QTGAL: variants seen among roughly 807,000 people sequenced by gnomAD.
QTGAL encodes queuosine-tRNA galactosyltransferase.
the QTGAL span, among the ~76,000 whole-genome samples, chr17:83,045,324 T>G: frequency 6.6e-6 from 1 of 152,106 alleles, no homozygotes; most frequent in Non-Finnish European, 1.5e-5. Flanking sequence ...ACCAAGACAA[T>G]TCAGTGGAGA....
the QTGAL span, among the ~76,000 whole-genome samples, chr17:82,964,199 G>A: frequency 3.6e-4 from 48 of 134,286 alleles, no homozygotes; most frequent in African/African-American, 1.2e-3. Context: ...GGAGGCAGAG[G>A]TTGTAGTGAG....
the QTGAL span, among the ~76,000 whole-genome samples, chr17:82,997,962 G>GATCT: frequency 2.8e-5 from 4 of 142,396 alleles, no homozygotes; most frequent in African/African-American, 8.1e-5. Flanking sequence ...TATCTATCTA[G>GATCT]ATCTATCTAT....
the QTGAL span, among the ~76,000 whole-genome samples, chr17:83,046,296 ATT>A: frequency 0.031 from 4,624 of 149,230 alleles, 244 homozygotes; most frequent in African/African-American, 0.11. Context: ...CACCTGGCTA[ATT>A]TTTTTTTGTG....
the QTGAL span, among the ~76,000 whole-genome samples, chr17:83,009,668 A>C: frequency 1.3e-5 from 2 of 152,066 alleles, no homozygotes; most frequent in East Asian, 3.9e-4. Flanking sequence ...CAGGAGGGTC[A>C]AGCGTGTCTG....
chr17:83,028,699 G>A, the QTGAL span, among the ~76,000 whole-genome samples: 1 of 152,078 alleles, frequency 6.6e-6, no homozygotes, highest in Non-Finnish European at 1.5e-5. Context: ...CAGTACGAAC[G>A]CCGGAAAACT....
chr17:82,989,933 T>C, the QTGAL span, among the ~76,000 whole-genome samples: 1 of 152,266 alleles, frequency 6.6e-6, no homozygotes, highest in East Asian at 1.9e-4. Flanking sequence ...AAGAGCTGGC[T>C]GACTTTCACA....
At chr17:83,010,643 C>T in the QTGAL span, among the ~76,000 whole-genome samples, 11 of 152,350 alleles carry the variant, frequency 7.2e-5, 1 homozygote, top group South Asian at 6.2e-4. Flanking sequence ...GAGTGCACCG[C>T]GGACTTCATT....
the QTGAL span, chr17:83,048,846 C>T: frequency 7.2e-7 from 1 of 1,396,480 alleles, no homozygotes. Flanking sequence ...TTCCATGGCT[C>T]TAATTTACCT....
At chr17:83,025,821 C>T in the QTGAL span, among the ~76,000 whole-genome samples, 2 of 152,360 alleles carry the variant, frequency 1.3e-5, no homozygotes, top group East Asian at 3.9e-4. Context: ...TGGCCCGGCA[C>T]CGGGTGCCAG....
the QTGAL span, among the ~76,000 whole-genome samples, chr17:82,963,153 G>T: frequency 0.82 from 125,004 of 152,050 alleles, 51,547 homozygotes; most frequent in East Asian, 0.9. Flanking sequence ...GGGCAGCCTT[G>T]GGGGATGGAG....
the QTGAL span, chr17:83,006,733 A>G: frequency 4.5e-5 from 44 of 985,370 alleles, no homozygotes; most frequent in Non-Finnish European, 5.1e-5. This position sits in a 1 kb window ranked among gnomAD's most constrained non-coding sequence, Gnocchi z 5.8. Flanking sequence ...CTCGGCTCCC[A>G]GGACAGGCTT....
At chr17:82,959,361 A>G in the QTGAL span, among the ~76,000 whole-genome samples, 10 of 151,550 alleles carry the variant, frequency 6.6e-5, no homozygotes, top group Non-Finnish European at 1.3e-4. Context: ...GTGTGTGTGC[A>G]CGTGAGTGCG....
the QTGAL span, among the ~76,000 whole-genome samples, chr17:83,048,067 C>T: frequency 6.6e-6 from 1 of 151,944 alleles, no homozygotes; most frequent in Non-Finnish European, 1.5e-5. Flanking sequence ...TGCTCTGTCA[C>T]CCCAGCTGGA....
chr17:82,952,130 C>T, the QTGAL span, among the ~76,000 whole-genome samples: 1 of 152,218 alleles, frequency 6.6e-6, no homozygotes, highest in Non-Finnish European at 1.5e-5. Flanking sequence ...CCAAGAGGCT[C>T]TGCTCACGTT....
At chr17:83,007,375 C>T in the QTGAL span, 4 of 646,840 alleles carry the variant, frequency 6.2e-6, no homozygotes, top group Non-Finnish European at 7.7e-6. Context: ...CATCTACCTA[C>T]GTACAATTGC....
the QTGAL span, among the ~76,000 whole-genome samples, chr17:83,009,231 G>C: frequency 6.6e-6 from 1 of 152,252 alleles, no homozygotes; most frequent in African/African-American, 2.4e-5. Context: ...AGACCAGCCT[G>C]ACCAACATGG....
chr17:83,020,327 C>G, the QTGAL span, among the ~76,000 whole-genome samples: 11 of 152,244 alleles, frequency 7.2e-5, no homozygotes, highest in Admixed American at 2.6e-4. Context: ...GATAAGGATG[C>G]CTGCACACAC....
At chr17:82,943,728 ACTG>A in the QTGAL span, 1 of 152,204 alleles carries the variant, frequency 6.6e-6, no homozygotes, top group African/African-American at 2.4e-5. Context: ...TTAACACACT[ACTG>A]TTGTTGTGTT....
chr17:83,049,652 AC>A, the QTGAL span, among the ~76,000 whole-genome samples: 30 of 152,258 alleles, frequency 2.0e-4, no homozygotes, highest in African/African-American at 6.3e-4. Context: ...CCCTCAGCCC[AC>A]AAAAAACAAT....
Sources: gnomAD v4.1 joint callset for allele counts (sites outside exome capture counted in the v4.1 genomes callset) on GRCh38, gnomAD v4.1.1 for gene constraint, Gnocchi (gnomAD v3.1) non-coding constraint, MANE v1.5 for transcripts, NCBI Gene and HGNC (gene_info 2026-07-23, HGNC 2026-07-21) for gene names.